The following CEP76 variants were observed in gnomAD, a reference collection of about 807,000 sequenced individuals.
CEP76 encodes the protein centrosomal protein 76.
CEP76 carries 55 observed loss-of-function variants against 83.3 expected under a neutral mutation model. That is an observed-to-expected ratio of 0.66 (90% CI 0.53 to 0.83). The LOEUF is 0.83. Ranked by LOEUF, CEP76 falls within the 40% of genes least tolerant of loss-of-function variation. CEP76 has a pLI of 0.00. For missense variants in CEP76, 694 were observed against 799.5 expected, an observed-to-expected ratio of 0.87 and a Z score of 1.59; for synonymous variants, 270 against 274.5, an observed-to-expected ratio of 0.98 and a Z score of 0.16.
At chr18:12,690,086 GC>G (rs869224852) in intron 7 of CEP76, among the ~76,000 whole-genome samples, 44 of 87,360 alleles carry the variant, frequency 5.0e-4, no homozygotes, top group African/African-American at 1.3e-3. Flanking sequence ...ACCGCGCCCG[GC>G]CAGGAAGCCA....
At chr18:12,692,884 A>T (rs1374360710) in intron 6 of CEP76, among the ~76,000 whole-genome samples, 1 of 152,218 alleles carries the variant, frequency 6.6e-6, no homozygotes, top group East Asian at 1.9e-4. Flanking sequence ...GTGCTACTGC[A>T]TGATCATGGC....
intron 10 of CEP76, among the ~76,000 whole-genome samples, chr18:12,676,077 TATC>T (rs942085993): frequency 6.6e-6 from 1 of 152,152 alleles, no homozygotes; most frequent in Non-Finnish European, 1.5e-5. Flanking sequence ...ATATTTTGAT[TATC>T]ATAATGGATC....
chr18:12,694,183 A>G (rs1301902701), intron 6 of CEP76, among the ~76,000 whole-genome samples: 1 of 152,216 alleles, frequency 6.6e-6, no homozygotes, highest in Non-Finnish European at 1.5e-5. Context: ...ACATGTCAGA[A>G]GCTAGAGATT....
chr18:12,687,523 G>T (rs558122667), intron 7 of CEP76, among the ~76,000 whole-genome samples: 1 of 148,698 alleles, frequency 6.7e-6, no homozygotes, highest in African/African-American at 2.5e-5. Flanking sequence ...GTGTGATTTC[G>T]GCTCGCTGCA....
At chr18:12,661,956 G>A in exon 13 of CEP76, 1 of 259,356 alleles carries the variant, frequency 3.9e-6, no homozygotes. Context: ...CTCTGAATAT[G>A]ATTTTGTTTT....
Position 12,695,365 on chromosome 18 carries a change from T to TG in CEP76, c.707-15_707-14insC. On this transcript the variant is annotated splice_polypyrimidine_tract_variant and intron_variant, in intron 5 of 11. Coordinates refer to ENST00000262127, the MANE Select transcript of CEP76 (RefSeq NM_024899.4). ...TTGATTCTGTGCCTATAAACATAAA[T>TG]ATTTTGAACTTCAGAGATTTCAATA... 7.8e-7 allele frequency: 1 copy of TG among 1,288,794 alleles called. No homozygotes were observed. Among genetic ancestry groups the TG allele is most frequent in the Non-Finnish European group, 1.1e-6 (1 of 913,024 alleles). The allele number at this position is 1,288,794 out of a possible 1,614,324, so 79.8% of individuals were successfully genotyped here.
chr18:12,689,043 G>C (rs900562656), intron 7 of CEP76, among the ~76,000 whole-genome samples: 1 of 152,142 alleles, frequency 6.6e-6, no homozygotes, highest in Non-Finnish European at 1.5e-5. Flanking sequence ...GAATCTGGGA[G>C]GTGGAGGTTG....
At chr18:12,701,361 G>A (rs2040144114) in intron 1 of CEP76, among the ~76,000 whole-genome samples, 1 of 152,100 alleles carries the variant, frequency 6.6e-6, no homozygotes, top group South Asian at 2.1e-4. Flanking sequence ...CTTCTGAGAG[G>A]GAGTATAGTA....
Position 12,686,341 on chromosome 18 carries a change from T to A in CEP76, c.1043A>T (p.Tyr348Phe). The change falls in exon 8 of 12, where the codon TAT becomes TTT. Residue 348 changes from tyrosine (Y) to phenylalanine (F), a missense_variant. Coordinates refer to ENST00000262127, the MANE Select transcript of CEP76 (RefSeq NM_024899.4). Reference protein sequence around the residue: ...QAARFVNVLGYERAPVIGGGG... With the variant: ...QAARFVNVLGFERAPVIGGGG... ...TCCTCCAATAACAGGGGCTCGTTCA[T>A]AACCAAGGACATTAACAAATCTTGC... 6.2e-7 allele frequency: 1 copy of A among 1,614,110 alleles called. No individual in the cohort carries two copies. Among genetic ancestry groups the A allele is most frequent in the Non-Finnish European group, 8.5e-7 (1 of 1,179,996 alleles).
chr18:12,668,501 G>A (rs1417809578), downstream of CEP76, among the ~76,000 whole-genome samples: 4 of 145,330 alleles, frequency 2.8e-5, no homozygotes, highest in African/African-American at 1.0e-4. Context: ...TGGAGGCTAA[G>A]GCAGGAGAAT....
At chr18:12,691,251 CTT>C (rs1394197315) in intron 7 of CEP76, 106 bp downstream of exon 7, 12 of 699,084 alleles carry the variant, frequency 1.7e-5, no homozygotes, top group Non-Finnish European at 2.4e-5. Flanking sequence ...TACAAATACA[CTT>C]TTATTTTTTG....
At chr18:12,662,237 C>T in intron 12 of CEP76, 1 of 436,840 alleles carries the variant, frequency 2.3e-6, no homozygotes, top group Non-Finnish European at 4.5e-6. Context: ...CCTAAATTTT[C>T]ATTGCCCACA....
rs562188497 is a variant in CEP76 at position 12,701,024 on chromosome 18, ATCT to A, written c.150_152del (p.Glu50del). 176 of 1,613,944 alleles carry A rather than the reference ATCT, an allele frequency of 1.1e-4. 1 individual carries two copies. In the South Asian group the frequency reaches 1.8e-3, roughly 16 times the overall value. On this transcript the variant is annotated inframe_deletion, in exon 2 of 12. Coordinates refer to ENST00000262127, the MANE Select transcript of CEP76 (RefSeq NM_024899.4). Reference sequence around the variant, plus strand: ...CTCGACGTCTAAGGGCTTTGATCAAATCTTCTGTTGATAAATGCTGTTGATCAG... The same window carrying A: ...CTCGACGTCTAAGGGCTTTGATCAAATCTGTTGATAAATGCTGTTGATCAG...
intron 12 of CEP76, among the ~76,000 whole-genome samples, chr18:12,664,485 G>C (rs1314502704): frequency 6.6e-6 from 1 of 151,908 alleles, no homozygotes; most frequent in South Asian, 2.1e-4. Context: ...GGGAGGCAGA[G>C]ATCGCAGTGA....
At chr18:12,696,915 A>G (rs1299199492) in intron 5 of CEP76, among the ~76,000 whole-genome samples, 2 of 152,178 alleles carry the variant, frequency 1.3e-5, no homozygotes, top group Non-Finnish European at 2.9e-5. Flanking sequence ...CAAGAATATT[A>G]ATTTTCTTTA....
At position 12,701,126 on chromosome 18, in the gene CEP76, C is replaced by T; in HGVS notation, c.64-13G>A. On this transcript the variant is annotated splice_polypyrimidine_tract_variant and intron_variant, in intron 1 of 11. Transcript: ENST00000262127. ...CATGGACATCCATCTATGTAGAAAACTCATATTACAATTTATAACATCACA... is the reference window on the plus strand; with the variant it reads ...CATGGACATCCATCTATGTAGAAAATTCATATTACAATTTATAACATCACA... The T allele has an allele frequency of 2.5e-6, 4 of 1,598,224 alleles. No individual in the cohort carries two copies. The highest frequency in any genetic ancestry group is 3.4e-6 in the Non-Finnish European group (4 of 1,171,952).
intron 6 of CEP76, among the ~76,000 whole-genome samples, chr18:12,693,821 T>C (rs1313997299): frequency 6.6e-6 from 1 of 152,110 alleles, no homozygotes; most frequent in Non-Finnish European, 1.5e-5. Context: ...ATACACATAA[T>C]GTATATGTGT....
rs1413170385 is a variant in CEP76 at position 12,702,620 on chromosome 18, A to T, written c.-72T>A. ...CTAACTGCGCGGCCCCGGCCGGGCC[A>T]GGGAGCGTTAGGAGCGACTGGAGCA... On this transcript the variant is annotated 5_prime_UTR_variant, in exon 1 of 12. Coordinates refer to ENST00000262127, the MANE Select transcript of CEP76 (RefSeq NM_024899.4). 2.0e-6 allele frequency: 3 copies of T among 1,504,436 alleles called. No individual in the cohort carries two copies. Among genetic ancestry groups the T allele is most frequent in the Non-Finnish European group, 1.8e-6 (2 of 1,120,064 alleles). The allele number at this position is 1,504,436 out of a possible 1,614,324, so 93.2% of individuals were successfully genotyped here. A position where few individuals can be genotyped will look rare whatever the true frequency, so the allele number is the denominator to read the frequency against.
intron 9 of CEP76, among the ~76,000 whole-genome samples, chr18:12,679,464 G>A (rs1417671507): frequency 1.3e-5 from 2 of 152,026 alleles, no homozygotes; most frequent in Non-Finnish European, 2.9e-5. Context: ...TGGCTTTGTG[G>A]AGCGTCCGTT....
Sources: allele counts gnomAD v4.1 joint callset (sites outside exome capture counted in the v4.1 genomes callset), GRCh38; gene constraint gnomAD v4.1.1; transcripts MANE v1.5; gene names NCBI Gene and HGNC (gene_info 2026-07-23, HGNC 2026-07-21).